Variants in ZC3H12C observed in about 807,000 individuals in gnomAD.
ZC3H12C encodes the protein zinc finger CCCH-type containing 12C.
In ZC3H12C, 20 loss-of-function variants were observed where a neutral mutation model predicts 76.3. The observed-to-expected ratio is 0.26, with a 90% CI of 0.18 to 0.38. The LOEUF is 0.38. Among genes scored for constraint, ZC3H12C ranks in the 10% least tolerant of loss-of-function variants. ZC3H12C has a pLI of 1.00. For missense variants in ZC3H12C, 874 were observed against 1,086.5 expected, an observed-to-expected ratio of 0.80 and a Z score of 2.75; for synonymous variants, 352 against 399.6, an observed-to-expected ratio of 0.88 and a Z score of 1.42.
rs560299120 is a variant in ZC3H12C at position 110,136,793 on chromosome 11, A to T, written c.152A>T (p.Asp51Val). ...DLGHLYVEST[D>V]PQLSPAVPWS... ...GGCCACCTTTATGTGGAGAGCACTG[A>T]CCCACAGTTAAGTCCAGCTGTACCT... Residue 51 changes from aspartate to valine, a missense_variant, in exon 2 of 6, where the codon GAC becomes GTC. By Grantham distance (152) the Asp-to-Val change is radical. This residue lies in a region of ZC3H12C where 210 missense variants were observed against 227.1 expected (regional missense o/e 0.92). Coordinates refer to ENST00000278590, the MANE Select transcript of ZC3H12C (RefSeq NM_033390.2). 5 of 1,613,944 alleles carry T rather than the reference A, an allele frequency of 3.1e-6. No homozygotes were observed. In the South Asian group the frequency reaches 5.5e-5, roughly 18 times the overall value.
chr11:110,111,540 C>CTT (rs879491780), intron 1 of ZC3H12C, among the ~76,000 whole-genome samples: 1 of 67,234 alleles, frequency 1.5e-5, no homozygotes, highest in Non-Finnish European at 2.6e-5. Flanking sequence ...TCCCCAGTAG[C>CTT]TTTTTTTTTT....
intron 1 of ZC3H12C, among the ~76,000 whole-genome samples, chr11:110,099,406 G>T (rs1299008660): frequency 6.6e-6 from 1 of 152,046 alleles, no homozygotes; most frequent in African/African-American, 2.4e-5. Context: ...TGATTTCAAA[G>T]TTTGATGATG....
chr11:110,102,341 A>C (rs779138132), intron 1 of ZC3H12C, among the ~76,000 whole-genome samples: 12 of 151,166 alleles, frequency 7.9e-5, no homozygotes, highest in Admixed American at 1.3e-4. Flanking sequence ...AGTTGACTCT[A>C]ACCCTCATGG....
intron 1 of ZC3H12C, among the ~76,000 whole-genome samples, chr11:110,105,057 T>C (rs1313050130): frequency 2.0e-5 from 3 of 152,234 alleles, no homozygotes; most frequent in Non-Finnish European, 2.9e-5. Context: ...TAGTCATCTG[T>C]ACTCATTTCC....
intron 1 of ZC3H12C, among the ~76,000 whole-genome samples, chr11:110,114,279 G>C (rs1436973838): frequency 2.0e-5 from 3 of 152,030 alleles, no homozygotes; most frequent in Non-Finnish European, 4.4e-5. Flanking sequence ...GGGAATATAG[G>C]AATAGTTTGT....
At chr11:110,145,593 G>A (rs1862149690) in intron 2 of ZC3H12C, among the ~76,000 whole-genome samples, 1 of 148,692 alleles carries the variant, frequency 6.7e-6, no homozygotes, top group Non-Finnish European at 1.5e-5. Context: ...ACAAATTACA[G>A]AAATTGGGGG....
At chr11:110,119,056 GA>G (rs1310463033) in intron 1 of ZC3H12C, among the ~76,000 whole-genome samples, 2 of 151,744 alleles carry the variant, frequency 1.3e-5, no homozygotes, top group African/African-American at 4.9e-5. Flanking sequence ...AAATAACCAG[GA>G]TAAGAATATG....
intron 1 of ZC3H12C, among the ~76,000 whole-genome samples, chr11:110,105,865 A>T (rs1861314054): frequency 1.3e-5 from 2 of 152,218 alleles, no homozygotes; most frequent in African/African-American, 4.8e-5. Context: ...AAATGTCACC[A>T]GTTTTTTAAT....
intron 2 of ZC3H12C, among the ~76,000 whole-genome samples, chr11:110,145,221 T>G (rs1013619998): frequency 9.2e-5 from 14 of 152,224 alleles, no homozygotes; most frequent in African/African-American, 3.4e-4. Context: ...AGAAATTATT[T>G]TGACTTCTTA....
chr11:110,138,689 C>T (rs958439835), intron 2 of ZC3H12C, among the ~76,000 whole-genome samples: 4 of 151,896 alleles, frequency 2.6e-5, no homozygotes, highest in Non-Finnish European at 4.4e-5. Flanking sequence ...CCCTGAGTAG[C>T]TGGGACTCCA....
chr11:110,098,811 T>G (rs779141605), intron 1 of ZC3H12C, among the ~76,000 whole-genome samples: 3 of 152,214 alleles, frequency 2.0e-5, no homozygotes, highest in African/African-American at 7.2e-5. Context: ...GTATACTCTG[T>G]GATGTTTGCA....
At chr11:110,127,895 C>CAA (rs749388411) in intron 1 of ZC3H12C, among the ~76,000 whole-genome samples, 1 of 50,938 alleles carries the variant, frequency 2.0e-5, no homozygotes, top group Admixed American at 2.2e-4. Context: ...GACTTACTCT[C>CAA]AAAAAAAAAA....
intron 2 of ZC3H12C, 38 bp from the exon 3 acceptor site, chr11:110,152,881 T>C: frequency 1.9e-6 from 3 of 1,590,650 alleles, no homozygotes; most frequent in Non-Finnish European, 2.6e-6. Flanking sequence ...TAAATTTAGG[T>C]TTTGTTGTGT....
intron 1 of ZC3H12C, among the ~76,000 whole-genome samples, chr11:110,097,457 T>C (rs751785833): frequency 1.3e-5 from 2 of 152,224 alleles, no homozygotes; most frequent in Non-Finnish European, 2.9e-5. Flanking sequence ...TATTCAGCCC[T>C]CAGCTTAGAT....
intron 3 of ZC3H12C, among the ~76,000 whole-genome samples, chr11:110,153,611 C>G (rs1040796689): frequency 6.6e-6 from 1 of 151,812 alleles, no homozygotes; most frequent in Admixed American, 6.6e-5. Flanking sequence ...GAAATTCTGA[C>G]CTTTAGAGAG....
At chr11:110,117,937 T>C (rs1324555945) in intron 1 of ZC3H12C, among the ~76,000 whole-genome samples, 1 of 124,702 alleles carries the variant, frequency 8.0e-6, no homozygotes, top group Non-Finnish European at 1.6e-5. Context: ...CACACACATA[T>C]ATATATTATA....
Position 110,168,893 on chromosome 11 carries a change from TATGAGA to T in ZC3H12C, c.*3159_*3164del, listed in dbSNP as rs1395865482. ...CTTTGTGTTTTTATGAAAATTCATT[TATGAGA>T]ATATGTAATATAACTGAAGAGTATT... On this transcript the variant is annotated 3_prime_UTR_variant, in exon 6 of 6. Coordinates refer to ENST00000278590, the MANE Select transcript of ZC3H12C (RefSeq NM_033390.2). The T allele has an allele frequency of 6.6e-6, 1 of 152,208 alleles. No homozygotes were observed. Among genetic ancestry groups the T allele is most frequent in the Non-Finnish European group, 1.5e-5 (1 of 68,014 alleles). The allele number at this position is 152,208 out of a possible 1,614,324, so 9.4% of individuals were successfully genotyped here.
At chr11:110,142,987 G>A (rs1285531909) in intron 2 of ZC3H12C, among the ~76,000 whole-genome samples, 3 of 152,142 alleles carry the variant, frequency 2.0e-5, no homozygotes, top group Admixed American at 6.5e-5. Flanking sequence ...GGTATGTTTA[G>A]TATTTAGCAT....
At chr11:110,156,864 T>C (rs1377849329) in intron 3 of ZC3H12C, among the ~76,000 whole-genome samples, 4 of 152,160 alleles carry the variant, frequency 2.6e-5, no homozygotes, top group African/African-American at 9.7e-5. Context: ...GCTTTTGCAT[T>C]GGTATTCTGT....
Sources: allele counts gnomAD v4.1 joint callset (sites outside exome capture counted in the v4.1 genomes callset), GRCh38; gene constraint gnomAD v4.1.1; regional missense constraint gnomAD v4.1.1; transcripts MANE v1.5; gene names NCBI Gene and HGNC (gene_info 2026-07-23, HGNC 2026-07-21).